The following GPATCH1 variants were observed in gnomAD, a reference collection of about 807,000 sequenced individuals.
GPATCH1 encodes the protein G patch domain-containing protein 1.
Under a neutral mutation model 114.9 loss-of-function variants are expected in GPATCH1, and 73 were observed. The observed-to-expected ratio is 0.64, with a 90% CI of 0.53 to 0.77. GPATCH1 has a LOEUF of 0.77. Ranked by LOEUF, GPATCH1 falls within the 30% of genes least tolerant of loss-of-function variation. The probability of loss-of-function intolerance (pLI) is 0.00; values close to 1 mark genes in which losing one functional copy is unlikely to be tolerated. For synonymous variants in GPATCH1, 391 were observed against 428.4 expected (o/e 0.91, Z 1.08); for missense variants, 1,058 against 1,144.3 (o/e 0.92, Z 1.09).
chr19:33,127,782 C>T (rs920141738), intron 19 of GPATCH1, among the ~76,000 whole-genome samples: 2 of 152,006 alleles, frequency 1.3e-5, no homozygotes, highest in Admixed American at 6.6e-5. Flanking sequence ...GATCTTGGCT[C>T]AGTGCAACCT....
At chr19:33,116,466 G>C (rs1972916889) in intron 15 of GPATCH1, among the ~76,000 whole-genome samples, 1 of 152,132 alleles carries the variant, frequency 6.6e-6, no homozygotes. Flanking sequence ...CTTATATTTT[G>C]TCTTCATTCC....
At chr19:33,102,928 G>A (rs1022915474) in intron 9 of GPATCH1, among the ~76,000 whole-genome samples, 4 of 152,220 alleles carry the variant, frequency 2.6e-5, no homozygotes, top group African/African-American at 4.8e-5. Context: ...GAGAGAAGCC[G>A]TGTGCAGGTG....
chr19:33,126,209 C>T (rs142305183), intron 18 of GPATCH1, among the ~76,000 whole-genome samples: 233 of 152,288 alleles, frequency 1.5e-3, no homozygotes, highest in African/African-American at 5.3e-3. Flanking sequence ...CCTGGGTGCC[C>T]GTCATCCTGA....
rs751889721 is a variant in GPATCH1, at chr19:33,111,903, G to T, written c.1764+1G>T. 6.8e-6 allele frequency: 11 copies of T among 1,610,664 alleles called. No homozygotes were observed. The highest frequency in any genetic ancestry group is 9.3e-6 in the Non-Finnish European group (11 of 1,176,860). Reference sequence around the variant, plus strand: ...GGTTGAAGTCCCTCGAGACCAAGAGGTCTGTTGTCACCATGTCCCTTACCT... The same window carrying T: ...GGTTGAAGTCCCTCGAGACCAAGAGTTCTGTTGTCACCATGTCCCTTACCT... On this transcript the variant is annotated splice_donor_variant, in intron 12 of 19. Coordinates refer to ENST00000170564, the MANE Select transcript of GPATCH1 (RefSeq NM_018025.3). LOFTEE classifies it high-confidence loss of function.
At chr19:33,127,703 A>G (rs908723128) in intron 19 of GPATCH1, among the ~76,000 whole-genome samples, 2 of 151,958 alleles carry the variant, frequency 1.3e-5, no homozygotes, top group Admixed American at 1.3e-4. Flanking sequence ...ACATGGATGC[A>G]CATACACATT....
At chr19:33,096,537 T>A in intron 7 of GPATCH1, 91 bp downstream of exon 7, 5 of 1,101,968 alleles carry the variant, frequency 4.5e-6, no homozygotes, top group South Asian at 1.7e-5. Flanking sequence ...TTTATTTTCT[T>A]TTTTTTTCCC....
In GPATCH1 at chr19:33,126,688, G is replaced by C; in HGVS notation, c.2720G>C (p.Ser907Thr). 1.2e-6 allele frequency: 2 copies of C among 1,614,070 alleles called. No individual in the cohort carries two copies. Among genetic ancestry groups the C allele is most frequent in the Non-Finnish European group, 8.5e-7 (1 of 1,180,030 alleles). Residue 907 changes from serine to threonine, a missense_variant, in exon 19 of 20, where the codon AGT (serine) becomes ACT (threonine). Ser to Thr is a moderately conservative substitution (Grantham distance 58). Coordinates refer to ENST00000170564, the MANE Select transcript of GPATCH1 (RefSeq NM_018025.3). ...SESSDSSDSQ[S>T]DEETADVSPQ... ...AGTTCCGACAGCAGCGACAGCCAGA[G>C]TGACGAGGAAACCGCAGACGTGTCG...
Position 33,088,182 on chromosome 19 carries a change from A to G in GPATCH1, c.122A>G (p.Asp41Gly), listed in dbSNP as rs1972554637. The G allele has an allele frequency of 6.3e-7, 1 of 1,590,532 alleles. No homozygotes were observed. Among genetic ancestry groups the G allele is most frequent in the Non-Finnish European group, 8.6e-7 (1 of 1,163,856 alleles). ...CCTCTTCAGGATCAGACTGTCAGAGATGAAAAAGGAAGGTATAAACGATTC... is the reference window on the plus strand; with the variant it reads ...CCTCTTCAGGATCAGACTGTCAGAGGTGAAAAAGGAAGGTATAAACGATTC... ...PIPLQDQTVR[D>G]EKGRYKRFHG... The change falls in exon 2 of 20, where the codon GAT becomes GGT. Residue 41 changes from aspartate (D) to glycine (G), a missense_variant. Coordinates refer to ENST00000170564, the MANE Select transcript of GPATCH1 (RefSeq NM_018025.3).
intron 1 of GPATCH1, among the ~76,000 whole-genome samples, chr19:33,082,379 G>A (rs946066583): frequency 6.6e-6 from 1 of 152,184 alleles, no homozygotes; most frequent in Non-Finnish European, 1.5e-5. Context: ...CAATTTATTT[G>A]CAGACCTCCT....
At chr19:33,115,750 T>G (rs1189396298) in intron 15 of GPATCH1, among the ~76,000 whole-genome samples, 2 of 150,820 alleles carry the variant, frequency 1.3e-5, no homozygotes, top group African/African-American at 4.9e-5. Context: ...CGCCTCAGCC[T>G]CCCCAAAGTG....
chr19:33,116,880 A>T (rs1972922074), intron 15 of GPATCH1, among the ~76,000 whole-genome samples: 1 of 151,668 alleles, frequency 6.6e-6, no homozygotes, highest in Non-Finnish European at 1.5e-5. Flanking sequence ...GTGATTTCTG[A>T]TGAGAAATCT....
At chr19:33,120,983 C>T (rs1448234342) in intron 17 of GPATCH1, among the ~76,000 whole-genome samples, 5 of 149,946 alleles carry the variant, frequency 3.3e-5, no homozygotes, top group African/African-American at 1.2e-4. Flanking sequence ...GAGCAAGACT[C>T]CGTCTCAAAA....
At chr19:33,109,332 C>T (rs980463085) in intron 10 of GPATCH1, among the ~76,000 whole-genome samples, 1 of 152,100 alleles carries the variant, frequency 6.6e-6, no homozygotes, top group African/African-American at 2.4e-5. Context: ...ACCTGGCCGA[C>T]ATGATGAGAC....
At chr19:33,095,561 C>T (rs76702323) in intron 5 of GPATCH1, among the ~76,000 whole-genome samples, 3 of 151,688 alleles carry the variant, frequency 2.0e-5, no homozygotes, top group Admixed American at 2.0e-4. Flanking sequence ...CTGCGCCCAG[C>T]CTTTTTTTTT....
At chr19:33,119,141 G>A (rs758367215) in intron 17 of GPATCH1, 24 bp downstream of exon 17, 37 of 1,408,542 alleles carry the variant, frequency 2.6e-5, no homozygotes, top group South Asian at 9.6e-5. Flanking sequence ...CCTTTGGTTC[G>A]CCCATTTTTA....
chr19:33,102,354 A>G (rs1346918142), intron 9 of GPATCH1, among the ~76,000 whole-genome samples: 1 of 151,790 alleles, frequency 6.6e-6, no homozygotes, highest in Non-Finnish European at 1.5e-5. Context: ...AAGAAAAGAA[A>G]TATCAGTCAG....
At chr19:33,115,942 T>C (rs1233382974) in intron 15 of GPATCH1, among the ~76,000 whole-genome samples, 1 of 152,220 alleles carries the variant, frequency 6.6e-6, no homozygotes, top group Non-Finnish European at 1.5e-5. Flanking sequence ...TACCACTCTT[T>C]TTTGTTTCTT....
chr19:33,105,780 TC>T (rs1329152472), intron 9 of GPATCH1, among the ~76,000 whole-genome samples: 2 of 152,032 alleles, frequency 1.3e-5, no homozygotes, highest in East Asian at 3.9e-4. Context: ...TACCTTGTCC[TC>T]CCAAAGTGCT....
Position 33,110,030 on chromosome 19 carries a change from C to A in GPATCH1, c.1585+14C>A. 6.3e-7 allele frequency: 1 copy of A among 1,583,160 alleles called. No individual in the cohort carries two copies. The highest frequency in any genetic ancestry group is 8.6e-7 in the Non-Finnish European group (1 of 1,163,056). On this transcript the variant is annotated intron_variant, in intron 11 of 19. Transcript: ENST00000170564. ...AGGGTCAGAAAGGTGGGTGCTGGGCCTGGGTGTCCCAAATCTCGGCCCGGG... is the reference window on the plus strand; with the variant it reads ...AGGGTCAGAAAGGTGGGTGCTGGGCATGGGTGTCCCAAATCTCGGCCCGGG...
Sources: gnomAD v4.1 joint callset for allele counts (sites outside exome capture counted in the v4.1 genomes callset) on GRCh38, gnomAD v4.1.1 for gene constraint, MANE v1.5 for transcripts, NCBI Gene and HGNC (gene_info 2026-07-23, HGNC 2026-07-21) for gene names.